NDRG2: variants seen among roughly 807,000 people sequenced by gnomAD.
NDRG2 encodes the protein NDRG family member 2.
Under a neutral mutation model 58.2 loss-of-function variants are expected in NDRG2, and 34 were observed. The ratio of observed to expected loss-of-function variants is 0.58; its 90% CI spans 0.44 to 0.78. The LOEUF is 0.78. NDRG2 is among the 30% of genes least tolerant of loss of function. The probability of loss-of-function intolerance (pLI) is 0.00; values close to 1 mark genes in which losing one functional copy is unlikely to be tolerated. For missense variants in NDRG2, 434 were observed against 471.2 expected, an observed-to-expected ratio of 0.92 and a Z score of 0.73; for synonymous variants, 187 against 175.9, an observed-to-expected ratio of 1.06 and a Z score of -0.50.
At chr14:21,049,063 A>G (rs1384470940) in intron 1 of NDRG2, among the ~76,000 whole-genome samples, 1 of 152,220 alleles carries the variant, frequency 6.6e-6, no homozygotes, top group African/African-American at 2.4e-5. Context: ...GAATCCAAAG[A>G]TATGAAAATA....
intron 1 of NDRG2, chr14:21,034,059 G>C: frequency 6.2e-7 from 1 of 1,614,100 alleles, no homozygotes; most frequent in Non-Finnish European, 8.5e-7. Context: ...CTTCCAAGGG[G>C]CATGTATCAC....
chr14:21,050,585 A>T (rs888716591), intron 1 of NDRG2, among the ~76,000 whole-genome samples: 6 of 152,260 alleles, frequency 3.9e-5, no homozygotes, highest in Non-Finnish European at 7.3e-5. Flanking sequence ...GAGGAAGATG[A>T]ACTAAAACAC....
chr14:21,023,138 G>A lies in NDRG2; in HGVS notation c.75+103C>T. The A allele has an allele frequency of 7.8e-6, 8 of 1,024,374 alleles. No homozygotes were observed. In the South Asian group the frequency reaches 1.1e-4, roughly 14 times the overall value. 63.5% of individuals were successfully genotyped at this position (1,024,374 alleles called of 1,614,324 possible). A position where few individuals can be genotyped will look rare whatever the true frequency, so the allele number is the denominator to read the frequency against. ...GAGACTAGGGTAGTGGTGAAGCAGT[G>A]GTGTGAGTTAGAATAAGATCAGTAC... On this transcript the variant is annotated intron_variant, in intron 2 of 15. Coordinates refer to ENST00000556147, the MANE Select transcript of NDRG2 (RefSeq NM_001320329.2).
chr14:21,070,833 T>C lies in NDRG2; in HGVS notation c.19A>G (p.Met7Val). 6.5e-7 allele frequency: 1 copy of C among 1,535,630 alleles called. No homozygotes were observed. The highest frequency in any genetic ancestry group is 1.2e-5 in the South Asian group (1 of 84,060). The change falls in exon 1 of 15, where the codon ATG (methionine) becomes GTG (valine). Residue 7 changes from methionine to valine, a missense_variant. Met to Val is a conservative substitution (Grantham distance 21). Transcript: ENST00000403829. This position sits in a 1 kb window ranked among gnomAD's most constrained non-coding sequence, Gnocchi z 4.7. ...CTCGGGTCATGAGAACTGACCTGCA[T>C]GGAACCACCATTTTCCATCCCTGTC...
upstream of NDRG2, chr14:21,030,210 TCTC>T (rs143057569): frequency 0.056 from 10,802 of 193,498 alleles, 541 homozygotes; most frequent in Admixed American, 0.16. Context: ...CCTCCCTCTG[TCTC>T]CTCATTGCCA....
intron 1 of NDRG2, among the ~76,000 whole-genome samples, chr14:21,053,576 G>A (rs558353930): frequency 1.2e-4 from 18 of 152,100 alleles, no homozygotes; most frequent in African/African-American, 3.9e-4. Context: ...GCAGTGAGCC[G>A]AGATCTCGCC....
At chr14:21,021,173 A>T in intron 6 of NDRG2, 3 of 496,630 alleles carry the variant, frequency 6.0e-6, no homozygotes, top group Middle Eastern at 3.0e-4. Context: ...AGCCAGTTCA[A>T]CTTGTTCTGC....
At chr14:21,054,353 C>CAA (rs1258983730) in intron 1 of NDRG2, among the ~76,000 whole-genome samples, 1 of 152,098 alleles carries the variant, frequency 6.6e-6, no homozygotes, top group African/African-American at 2.4e-5. Flanking sequence ...CACACACACA[C>CAA]ACACACACAC....
At chr14:21,046,686 C>T (rs1408704260) in intron 1 of NDRG2, among the ~76,000 whole-genome samples, 2 of 152,086 alleles carry the variant, frequency 1.3e-5, no homozygotes, top group African/African-American at 4.8e-5. Context: ...ACCTTTGACT[C>T]CCCCAAAACT....
chr14:21,067,616 G>A (rs1886338045), intron 1 of NDRG2, among the ~76,000 whole-genome samples: 1 of 152,192 alleles, frequency 6.6e-6, no homozygotes, highest in African/African-American at 2.4e-5. Flanking sequence ...TTAAATGGGT[G>A]AAATATGGTA....
Position 21,018,213 on chromosome 14 carries a change from C to T in NDRG2, c.888G>A (p.Gln296=). Residue 296 remains glutamine (Q), a synonymous_variant, in exon 14 of 16, where the codon CAG becomes CAA. Coordinates refer to ENST00000556147, the MANE Select transcript of NDRG2 (RefSeq NM_001320329.2). The stretch of plus-strand genomic sequence containing the variant: ...CGGCAGCGGCACTCACCTGAGTCAG[C>T]TGGGGCTGACCTCCGGAGTCAGCCA... ...LKMADSGGQP[Q]LTQPGKLTEA... is the part of the protein sequence containing the mutation. 1 of 1,613,838 alleles carries T rather than the reference C, an allele frequency of 6.2e-7. No individual in the cohort carries two copies. The highest frequency in any genetic ancestry group is 8.5e-7 in the Non-Finnish European group (1 of 1,180,016).
At chr14:21,018,859 C>G in intron 11 of NDRG2, 45 bp from the exon 12 acceptor site, 1 of 1,610,008 alleles carries the variant, frequency 6.2e-7, no homozygotes. Context: ...CCCTGGCACT[C>G]CCTCACTGGC....
In NDRG2 at chr14:21,070,810, C is replaced by T. The variant is rs1264549865; in HGVS notation, c.24+18G>A. ...CGACCCTGGAAGAGGCCCGGCCCCT[C>T]GGGTCATGAGAACTGACCTGCATGG... On this transcript the variant is annotated intron_variant, in intron 1 of 14. Coordinates refer to the NDRG2 transcript ENST00000403829. This position sits in a 1 kb window ranked among gnomAD's most constrained non-coding sequence, Gnocchi z 4.7. The T allele has an allele frequency of 1.3e-6, 2 of 1,535,594 alleles. No homozygotes were observed. Among genetic ancestry groups the T allele is most frequent in the Non-Finnish European group, 1.7e-6 (2 of 1,146,838 alleles).
In NDRG2 at chr14:21,020,777, T is replaced by C. The variant is rs1387470829; in HGVS notation, c.468+7A>G. On this transcript the variant is annotated splice_region_variant and intron_variant, in intron 7 of 15. Transcript: ENST00000556147. ...CCTTTCCCTCCTCTGGGCTTTTTAT[T>C]TCTTACAGCATATCTCGCCAGGATG... 1 of 1,614,146 alleles carries C rather than the reference T, an allele frequency of 6.2e-7. No homozygotes were observed. The highest frequency in any genetic ancestry group is 1.1e-5 in the South Asian group (1 of 91,074).
At position 21,070,578 on chromosome 14, in the gene NDRG2, G is replaced by C. The variant is rs1487525901; in HGVS notation, c.24+250C>G. Among the ~76,000 whole-genome samples, 3 of 151,472 alleles carry C rather than the reference G, an allele frequency of 2.0e-5. No homozygotes were observed. The highest frequency in any genetic ancestry group is 4.4e-5 in the Non-Finnish European group (3 of 67,888). ...TCTGTCTGCCCGACTGTTTAGCTCT[G>C]TCCCCACCGGGTATTGCCCTCACCC... On this transcript the variant is annotated intron_variant, in intron 1 of 14. Coordinates refer to the NDRG2 transcript ENST00000403829. This position sits in a 1 kb window ranked among gnomAD's most constrained non-coding sequence, Gnocchi z 4.7.
chr14:21,017,631 C>G lies in NDRG2; in HGVS notation c.1081G>C (p.Gly361Arg). 2.5e-6 allele frequency: 4 copies of G among 1,613,714 alleles called. No homozygotes were observed. The highest frequency in any genetic ancestry group is 3.4e-6 in the Non-Finnish European group (4 of 1,179,870). ...ACCTCCATGGTGTGCCCCGGGGGCC[C>G]CGAAGAAAGAGTTCCAGACTCGCTG... is the stretch of plus-strand genomic sequence containing the variant. ...QSSESGTLSSGPPGHTMEVSC is the reference protein window; with the variant it reads ...QSSESGTLSSRPPGHTMEVSC Residue 361 changes from glycine (G) to arginine (R), a missense_variant, in exon 16 of 16, where the codon GGG (glycine) becomes CGG (arginine). By Grantham distance (125) the Gly-to-Arg change is moderately radical. Transcript: ENST00000556147.
At chr14:21,019,776 G>T in intron 9 of NDRG2, 34 bp from the exon 10 acceptor site, 1 of 1,547,408 alleles carries the variant, frequency 6.5e-7, no homozygotes, top group Non-Finnish European at 8.9e-7. Context: ...AATTAGGGAT[G>T]GAAAGAGAAA....
At chr14:21,026,716 C>G (rs1365975539), upstream of NDRG2, among the ~76,000 whole-genome samples, 7 of 152,074 alleles carry the variant, frequency 4.6e-5, no homozygotes, top group Non-Finnish European at 2.9e-5. Context: ...TTGGAGCACC[C>G]AACTTTTCTT....
In NDRG2 at chr14:21,022,905, C is replaced by A; in HGVS notation, c.76G>T (p.Glu26Ter). The change falls in exon 3 of 16, where the codon GAG becomes TAG. Residue 26 changes from glutamate to a stop codon, truncating the protein, a stop_gained and splice_region_variant. Coordinates refer to ENST00000556147, the MANE Select transcript of NDRG2 (RefSeq NM_001320329.2). LOFTEE classifies it high-confidence loss of function. ...LPGQTPEAAK[E>*]AELAARILLD... ...AGGATTCGGGCAGCTAACTCAGCCT[C>A]CTGGAGAGACACACACGGATTCACA... 6.2e-7 allele frequency: 1 copy of A among 1,613,994 alleles called. No individual in the cohort carries two copies. The highest frequency in any genetic ancestry group is 8.5e-7 in the Non-Finnish European group (1 of 1,179,968).
Sources: gnomAD v4.1 joint callset for allele counts (sites outside exome capture counted in the v4.1 genomes callset) on GRCh38, gnomAD v4.1.1 for gene constraint, Gnocchi (gnomAD v3.1) non-coding constraint, MANE v1.5 for transcripts, NCBI Gene and HGNC (gene_info 2026-07-23, HGNC 2026-07-21) for gene names.